The following MOGAT2 variants were observed in gnomAD, a reference collection of about 807,000 sequenced individuals.
The protein encoded by MOGAT2 is 2-acylglycerol O-acyltransferase 2.
Under a neutral mutation model 31.5 loss-of-function variants are expected in MOGAT2, and 27 were observed. The ratio of observed to expected loss-of-function variants is 0.86; its 90% CI spans 0.63 to 1.18. MOGAT2 has a LOEUF of 1.18. MOGAT2 is among the 50% of genes most tolerant of loss of function. The pLI, the probability that MOGAT2 is intolerant of heterozygous loss-of-function variation, is 0.00. For missense variants in MOGAT2, 436 were observed against 433.2 expected (o/e 1.01, Z -0.06); for synonymous variants, 163 against 170.0 (o/e 0.96, Z 0.32).
rs887666178 is a variant in MOGAT2 at position 75,732,748 on chromosome 11, C to T, written c.*1462C>T. 1 of 152,276 alleles carries T rather than the reference C, an allele frequency of 6.6e-6. No individual in the cohort carries two copies. The highest frequency in any genetic ancestry group is 2.4e-5 in the African/African-American group (1 of 41,436). 9.4% of individuals were successfully genotyped at this position (152,276 alleles called of 1,614,324 possible). ...ACTGATTTTATCTGTGCAAAGAAGT[C>T]TTCCCCAGTGCCTCTGGTTGACAGG... On this transcript the variant is annotated 3_prime_UTR_variant, in exon 6 of 6. Coordinates refer to ENST00000198801, the MANE Select transcript of MOGAT2 (RefSeq NM_025098.4).
At chr11:75,725,000 T>C (rs1425640239) in intron 2 of MOGAT2, among the ~76,000 whole-genome samples, 2 of 152,238 alleles carry the variant, frequency 1.3e-5, no homozygotes, top group African/African-American at 4.8e-5. Context: ...TTTAAGTGGA[T>C]GACAAATTTT....
At chr11:75,722,543 A>T (rs929278355) in intron 2 of MOGAT2, among the ~76,000 whole-genome samples, 2 of 152,196 alleles carry the variant, frequency 1.3e-5, no homozygotes, top group African/African-American at 4.8e-5. Context: ...AGGCCCAGAC[A>T]CTTGCCGCAG....
rs1944449093 is a variant in MOGAT2, at chr11:75,728,992, A to G, written c.850+3A>G. Reference sequence around the variant, plus strand: ...CCGCCGGCCCATCACCACTGTGGGTAAGTCCAGGACCAGGCTGGGAGGGAG... The same window carrying G: ...CCGCCGGCCCATCACCACTGTGGGTGAGTCCAGGACCAGGCTGGGAGGGAG... On this transcript the variant is annotated splice_donor_region_variant and intron_variant, in intron 5 of 5. Coordinates refer to ENST00000198801, the MANE Select transcript of MOGAT2 (RefSeq NM_025098.4). 1.2e-6 allele frequency: 2 copies of G among 1,613,486 alleles called. No homozygotes were observed. Among genetic ancestry groups the G allele is most frequent in the Non-Finnish European group, 1.7e-6 (2 of 1,180,010 alleles).
intron 1 of MOGAT2, among the ~76,000 whole-genome samples, chr11:75,718,544 C>A (rs928888977): frequency 3.3e-5 from 5 of 152,238 alleles, no homozygotes; most frequent in African/African-American, 7.2e-5. Flanking sequence ...CTCCAAGCCT[C>A]GACTTCACCA....
At chr11:75,724,981 T>C (rs149892319) in intron 2 of MOGAT2, among the ~76,000 whole-genome samples, 83 of 152,352 alleles carry the variant, frequency 5.4e-4, no homozygotes, top group African/African-American at 1.9e-3. Context: ...TAGGCCCTGC[T>C]GATGGTCATT....
At chr11:75,719,073 G>T (rs993471964) in intron 1 of MOGAT2, among the ~76,000 whole-genome samples, 1 of 152,098 alleles carries the variant, frequency 6.6e-6, no homozygotes, top group Non-Finnish European at 1.5e-5. Flanking sequence ...GGCCCTCCAG[G>T]ACCCTGCCCT....
At chr11:75,720,378 C>G (rs747878023) in intron 2 of MOGAT2, among the ~76,000 whole-genome samples, 3 of 152,084 alleles carry the variant, frequency 2.0e-5, no homozygotes, top group Non-Finnish European at 4.4e-5. Context: ...TGCAGGGATG[C>G]GGGGCCAATA....
At chr11:75,728,575 A>C (rs1944443304) in intron 4 of MOGAT2, 1 of 597,472 alleles carries the variant, frequency 1.7e-6, no homozygotes. Flanking sequence ...CTCATGGTGC[A>C]ACTGGGAAGT....
rs781563805 is a variant in MOGAT2 at position 75,731,331 on chromosome 11, T to TG, written c.*46dup. The stretch of plus-strand genomic sequence containing the variant: ...CATTAGGGAGCCCAGCAGGAGGTGC[T>TG]GTGCTGAGAAGACTTCCTGGAGGTG... On this transcript the variant is annotated 3_prime_UTR_variant, in exon 6 of 6. Coordinates refer to ENST00000198801, the MANE Select transcript of MOGAT2 (RefSeq NM_025098.4). 7 of 1,597,202 alleles carry TG rather than the reference T, an allele frequency of 4.4e-6. No homozygotes were observed. Among genetic ancestry groups the TG allele is most frequent in the East Asian group, 2.2e-5 (1 of 44,664 alleles).
chr11:75,729,462 A>T (rs1436733948), intron 5 of MOGAT2, among the ~76,000 whole-genome samples: 1 of 152,082 alleles, frequency 6.6e-6, no homozygotes, highest in Non-Finnish European at 1.5e-5. Context: ...TTTAGTAGAG[A>T]TGGGGTTTCA....
In MOGAT2 at chr11:75,717,915, G is replaced by C; in HGVS notation, c.27G>C (p.Met9Ile). The change falls in exon 1 of 6, where the codon ATG becomes ATC. Residue 9 changes from methionine (M) to isoleucine (I), a missense_variant. Coordinates refer to ENST00000198801, the MANE Select transcript of MOGAT2 (RefSeq NM_025098.4). ...TGGTAGAGTTCGCGCCCTTGTTTAT[G>C]CCGTGGGAGCGCAGGCTGCAGACAC... MVEFAPLF[M>I]PWERRLQTLA... 6.2e-7 allele frequency: 1 copy of C among 1,614,196 alleles called. No individual in the cohort carries two copies. Among genetic ancestry groups the C allele is most frequent in the Non-Finnish European group, 8.5e-7 (1 of 1,180,016 alleles).
chr11:75,722,045 C>G (rs1375679220), intron 2 of MOGAT2, among the ~76,000 whole-genome samples: 2 of 152,184 alleles, frequency 1.3e-5, no homozygotes, highest in African/African-American at 4.8e-5. Flanking sequence ...CTGCCGTGCT[C>G]ACGAAGGGTG....
At chr11:75,720,671 G>T (rs1015239220) in intron 2 of MOGAT2, among the ~76,000 whole-genome samples, 4 of 152,132 alleles carry the variant, frequency 2.6e-5, no homozygotes, top group African/African-American at 9.7e-5. Flanking sequence ...AGAGGAGAGA[G>T]CCCTGAATTG....
chr11:75,721,398 T>G (rs1187566777), intron 2 of MOGAT2, among the ~76,000 whole-genome samples: 3 of 152,128 alleles, frequency 2.0e-5, no homozygotes, highest in Non-Finnish European at 4.4e-5. Flanking sequence ...TTCTCCTACC[T>G]CAGCCTCCCG....
Position 75,720,063 on chromosome 11 carries a change from G to A in MOGAT2, c.163G>A (p.Ala55Thr). The change falls in exon 2 of 6, where the codon GCC becomes ACC. Residue 55 changes from alanine (A) to threonine (T), a missense_variant. Coordinates refer to ENST00000198801, the MANE Select transcript of MOGAT2 (RefSeq NM_025098.4). ...RFWLLTVLYA[A>T]WWYLDRDKPR... ...CTGGCTCCTCACTGTCCTGTATGCG[G>A]CCTGGTGGTATCTGGACCGAGACAA... is the stretch of plus-strand genomic sequence containing the variant. 2.5e-6 allele frequency: 4 copies of A among 1,614,194 alleles called. No individual in the cohort carries two copies. The highest frequency in any genetic ancestry group is 3.4e-6 in the Non-Finnish European group (4 of 1,180,042).
At chr11:75,719,003 G>A (rs566032716) in intron 1 of MOGAT2, among the ~76,000 whole-genome samples, 2 of 148,020 alleles carry the variant, frequency 1.4e-5, no homozygotes, top group South Asian at 2.1e-4. Flanking sequence ...ACACACACAC[G>A]TACTTCCTCA....
Position 75,720,077 on chromosome 11 carries a change from GGACCGA to G in MOGAT2, c.181_186del (p.Arg61_Asp62del), listed in dbSNP as rs1944364093. The G allele has an allele frequency of 6.2e-7, 1 of 1,614,074 alleles. No homozygotes were observed. The highest frequency in any genetic ancestry group is 1.3e-5 in the African/African-American group (1 of 74,930). ...TCCTGTATGCGGCCTGGTGGTATCTGGACCGAGACAAGCCACGGCAGGGGGGCCGGC... is the reference window on the plus strand; with the variant it reads ...TCCTGTATGCGGCCTGGTGGTATCTGGACAAGCCACGGCAGGGGGGCCGGC... On this transcript the variant is annotated inframe_deletion, in exon 2 of 6. Coordinates refer to ENST00000198801, the MANE Select transcript of MOGAT2 (RefSeq NM_025098.4).
intron 2 of MOGAT2, among the ~76,000 whole-genome samples, chr11:75,721,496 T>G (rs1435008904): frequency 1.3e-5 from 2 of 152,188 alleles, no homozygotes; most frequent in Non-Finnish European, 2.9e-5. Flanking sequence ...TTGGTCAGGC[T>G]GGTCTCGAAC....
intron 5 of MOGAT2, among the ~76,000 whole-genome samples, chr11:75,729,740 C>CT (rs543037592): frequency 0.89 from 107,695 of 121,322 alleles, 48,439 homozygotes; most frequent in Non-Finnish European, 0.95. Context: ...GGGTTTAATT[C>CT]TTTTTTTTTT....
Sources: allele counts gnomAD v4.1 joint callset (sites outside exome capture counted in the v4.1 genomes callset), GRCh38; gene constraint gnomAD v4.1.1; transcripts MANE v1.5; gene names NCBI Gene and HGNC (gene_info 2026-07-23, HGNC 2026-07-21).